Variants in DPYSL3 observed in about 807,000 individuals in gnomAD.
The protein encoded by DPYSL3 is dihydropyrimidinase-related protein 3.
DPYSL3 carries 16 observed loss-of-function variants against 66.1 expected under a neutral mutation model. That is an observed-to-expected ratio of 0.24 (90% CI 0.16 to 0.37). The LOEUF is 0.37. Ranked by LOEUF, DPYSL3 falls within the 10% of genes least tolerant of loss-of-function variation. The pLI is 1.00. For missense variants in DPYSL3, 738 were observed against 916.2 expected, an observed-to-expected ratio of 0.81 and a Z score of 2.51; for synonymous variants, 338 against 345.1, an observed-to-expected ratio of 0.98 and a Z score of 0.23.
intron 1 of DPYSL3, among the ~76,000 whole-genome samples, chr5:147,459,249 C>A (rs1752898606): frequency 6.6e-6 from 1 of 151,830 alleles, no homozygotes; most frequent in African/African-American, 2.4e-5. Flanking sequence ...ATGTTGCTGT[C>A]TTAATATGAG....
chr5:147,454,784 C>T (rs2126402082), intron 1 of DPYSL3, among the ~76,000 whole-genome samples: 1 of 152,222 alleles, frequency 6.6e-6, no homozygotes, highest in Non-Finnish European at 1.5e-5. Context: ...GGCCCTTCGG[C>T]GATGGAATAC....
chr5:147,501,965 A>G (rs541642860), intron 1 of DPYSL3, among the ~76,000 whole-genome samples: 6 of 152,288 alleles, frequency 3.9e-5, no homozygotes, highest in African/African-American at 1.4e-4. Flanking sequence ...GTTTTTTTAA[A>G]AAGGTGATAT....
intron 1 of DPYSL3, among the ~76,000 whole-genome samples, chr5:147,492,605 G>A (rs140340206): frequency 6.6e-6 from 1 of 151,694 alleles, no homozygotes; most frequent in Admixed American, 6.6e-5. Flanking sequence ...TTTGAAAGTA[G>A]ACTTGGATTA....
chr5:147,497,472 C>T (rs1753536830), intron 1 of DPYSL3, among the ~76,000 whole-genome samples: 1 of 152,026 alleles, frequency 6.6e-6, no homozygotes, highest in Non-Finnish European at 1.5e-5. Flanking sequence ...CAAAAATCCT[C>T]AACAAAATAT....
intron 1 of DPYSL3, among the ~76,000 whole-genome samples, chr5:147,506,771 C>A (rs551151727): frequency 6.6e-6 from 1 of 152,052 alleles, no homozygotes; most frequent in African/African-American, 2.4e-5. Flanking sequence ...AACTGAGGTA[C>A]CCAGAGGCTA....
Position 147,465,308 on chromosome 5 carries a change from C to T in DPYSL3, c.382-40345G>A, listed in dbSNP as rs561636549. On this transcript the variant is annotated intron_variant, in intron 1 of 13. Coordinates refer to ENST00000343218, the MANE Select transcript of DPYSL3 (RefSeq NM_001197294.2). ...GACACTTGGTATTCTACCCAGGTCTCTCTTTTTTTTTGACGGAGCCTCGCA... is the reference window on the plus strand; with the variant it reads ...GACACTTGGTATTCTACCCAGGTCTTTCTTTTTTTTTGACGGAGCCTCGCA... Among the ~76,000 whole-genome samples the T allele has an allele frequency of 2.6e-5, 4 of 152,156 alleles. No homozygotes were observed. The South Asian group carries it at 8.3e-4, about 32-fold the overall frequency.
At chr5:147,415,200 A>T (rs773621245) in intron 4 of DPYSL3, among the ~76,000 whole-genome samples, 11 of 152,190 alleles carry the variant, frequency 7.2e-5, no homozygotes, top group Admixed American at 4.6e-4. Context: ...TCCCAGCCTG[A>T]GTACCAATAC....
intron 1 of DPYSL3, among the ~76,000 whole-genome samples, chr5:147,482,218 C>T (rs1753258197): frequency 2.0e-5 from 3 of 152,146 alleles, no homozygotes; most frequent in Admixed American, 6.5e-5. Context: ...TTAGTAATTA[C>T]ACGATAAACA....
intron 1 of DPYSL3, among the ~76,000 whole-genome samples, chr5:147,457,406 G>A (rs577641159): frequency 1.4e-3 from 219 of 152,292 alleles, no homozygotes; most frequent in Non-Finnish European, 2.4e-3. Flanking sequence ...TATTAGGGGA[G>A]TGAATGTAAG....
At chr5:147,398,953 G>C in intron 11 of DPYSL3, 129 bp downstream of exon 11, 3 of 1,271,720 alleles carry the variant, frequency 2.4e-6, no homozygotes, top group Non-Finnish European at 3.2e-6. Flanking sequence ...CTGAGATTTA[G>C]GGGATGGATT....
intron 1 of DPYSL3, among the ~76,000 whole-genome samples, chr5:147,497,202 A>G (rs1189431291): frequency 6.8e-6 from 1 of 146,166 alleles, no homozygotes; most frequent in Non-Finnish European, 1.5e-5. Flanking sequence ...TTGAACAATA[A>G]GAACACATGG....
intron 1 of DPYSL3, among the ~76,000 whole-genome samples, chr5:147,477,279 T>C (rs922626066): frequency 1.3e-5 from 2 of 152,096 alleles, no homozygotes; most frequent in African/African-American, 4.8e-5. Context: ...ATTATTTACA[T>C]ATGAAGAGAG....
intron 4 of DPYSL3, among the ~76,000 whole-genome samples, 180 bp from the exon 5 acceptor site, chr5:147,413,837 T>C (rs960415120): frequency 2.6e-5 from 4 of 152,164 alleles, no homozygotes; most frequent in Admixed American, 2.6e-4. Flanking sequence ...CCTTGCCCCA[T>C]AAAATCAACA....
intron 1 of DPYSL3, among the ~76,000 whole-genome samples, chr5:147,426,613 G>A (rs1304617238): frequency 6.6e-6 from 1 of 152,120 alleles, no homozygotes; most frequent in African/African-American, 2.4e-5. Context: ...GGCCAACCAT[G>A]GTCATCATTC....
chr5:147,454,273 G>T (rs1752805424), intron 1 of DPYSL3: 1 of 152,246 alleles, frequency 6.6e-6, no homozygotes, highest in African/African-American at 2.4e-5. Flanking sequence ...CCGCGCCTTT[G>T]TTCGAGAGGA....
At chr5:147,488,593 G>A (rs1753370841) in intron 1 of DPYSL3, among the ~76,000 whole-genome samples, 1 of 152,094 alleles carries the variant, frequency 6.6e-6, no homozygotes, top group Non-Finnish European at 1.5e-5. Flanking sequence ...GTGCATGCTG[G>A]TGTTCCTGGT....
intron 1 of DPYSL3, among the ~76,000 whole-genome samples, chr5:147,483,750 C>T (rs1231822952): frequency 2.0e-5 from 3 of 151,998 alleles, no homozygotes; most frequent in East Asian, 1.9e-4. Flanking sequence ...GGACCTCACC[C>T]GGAGAAAGGT....
intron 1 of DPYSL3, among the ~76,000 whole-genome samples, chr5:147,489,483 G>A (rs996007657): frequency 1.3e-5 from 2 of 152,142 alleles, no homozygotes; most frequent in Non-Finnish European, 2.9e-5. Context: ...TTTCTTTTCT[G>A]GATTATGTGG....
In DPYSL3 at chr5:147,400,598, C is replaced by T. The variant is rs188862366; in HGVS notation, c.1452+94G>A. On this transcript the variant is annotated intron_variant, in intron 10 of 13. Transcript: ENST00000343218. ...GCAAGTACGAGATCCCATCTGCACTCGCAGTGTCACCAGCCCAACTGGTGG... is the reference window on the plus strand; with the variant it reads ...GCAAGTACGAGATCCCATCTGCACTTGCAGTGTCACCAGCCCAACTGGTGG... 49 of 1,504,116 alleles carry T rather than the reference C, an allele frequency of 3.3e-5. No homozygotes were observed. In the African/African-American group the frequency reaches 3.7e-4, roughly 11 times the overall value. The allele number at this position is 1,504,116 out of a possible 1,614,324, so 93.2% of individuals were successfully genotyped here.
Sources: gnomAD v4.1 joint callset for allele counts (sites outside exome capture counted in the v4.1 genomes callset) on GRCh38, gnomAD v4.1.1 for gene constraint, MANE v1.5 for transcripts, NCBI Gene and HGNC (gene_info 2026-07-23, HGNC 2026-07-21) for gene names.